Variants in PRKCQ observed in about 807,000 individuals in gnomAD.
PRKCQ encodes the protein protein kinase C theta type.
In PRKCQ, 41 loss-of-function variants were observed where a neutral mutation model predicts 91.2. The ratio of observed to expected loss-of-function variants is 0.45; its 90% confidence interval spans 0.35 to 0.58. The LOEUF (loss-of-function observed/expected upper bound fraction) is 0.58. Among genes scored for constraint, PRKCQ ranks in the 20% least tolerant of loss-of-function variants. The pLI is 0.00. For missense variants in PRKCQ, 673 were observed against 896.5 expected (o/e 0.75, Z 3.18); for synonymous variants, 307 against 316.9 (o/e 0.97, Z 0.33).
At chr10:6,486,275 G>C in intron 8 of PRKCQ, 131 bp from the exon 9 acceptor site, 1 of 731,644 alleles carries the variant, frequency 1.4e-6, no homozygotes, top group Middle Eastern at 2.9e-4. Flanking sequence ...GGAGGAAGTT[G>C]ACCCTGGCTC....
chr10:6,394,999 G>A, the PRKCQ span, among the ~76,000 whole-genome samples: 1 of 151,016 alleles, frequency 6.6e-6, no homozygotes, highest in South Asian at 2.1e-4. Context: ...CAAGACGGGG[G>A]AATTGCAATA....
chr10:6,464,415 A>G lies in PRKCQ; in HGVS notation c.1354-11T>C. 3 of 1,575,948 alleles carry G rather than the reference A, an allele frequency of 1.9e-6. No homozygotes were observed. The highest frequency in any genetic ancestry group is 2.6e-6 in the Non-Finnish European group (3 of 1,156,048). On this transcript the variant is annotated splice_polypyrimidine_tract_variant and intron_variant, in intron 12 of 17. Coordinates refer to ENST00000263125, the MANE Select transcript of PRKCQ (RefSeq NM_006257.5). ...AAAAAAGAGGTTTTCCTGTGGAAAA[A>G]CAAAACAATTCCAACTTTTATTTCA...
At chr10:6,572,885 T>C (rs919001210) in intron 1 of PRKCQ, among the ~76,000 whole-genome samples, 1 of 152,192 alleles carries the variant, frequency 6.6e-6, no homozygotes, top group African/African-American at 2.4e-5. Flanking sequence ...CTCTGCAACT[T>C]TGCCAGCACC....
At chr10:6,508,011 A>G (rs1248914227) in intron 3 of PRKCQ, among the ~76,000 whole-genome samples, 1 of 152,182 alleles carries the variant, frequency 6.6e-6, no homozygotes, top group Non-Finnish European at 1.5e-5. Flanking sequence ...CTCTTTCACA[A>G]AGAGAGATTG....
At chr10:6,412,958 T>TC in the PRKCQ span, among the ~76,000 whole-genome samples, 2,875 of 151,760 alleles carry the variant, frequency 0.019, 43 homozygotes, top group Non-Finnish European at 0.025. Flanking sequence ...TATTTTTTAT[T>TC]TTTATTTTTT....
chr10:6,485,117 C>T (rs762212758), intron 10 of PRKCQ, 35 bp downstream of exon 10: 1 of 1,556,188 alleles, frequency 6.4e-7, no homozygotes, highest in Non-Finnish European at 8.9e-7. Context: ...AGATTAATGA[C>T]TGACAGTGAT....
At chr10:6,531,280 C>A (rs2130899865) in intron 1 of PRKCQ, among the ~76,000 whole-genome samples, 1 of 152,208 alleles carries the variant, frequency 6.6e-6, no homozygotes, top group African/African-American at 2.4e-5. Context: ...TTTCTATTTG[C>A]TCAGAATCCA....
At chr10:6,551,723 A>G (rs1439620129) in intron 1 of PRKCQ, among the ~76,000 whole-genome samples, 5 of 152,116 alleles carry the variant, frequency 3.3e-5, no homozygotes, top group African/African-American at 9.7e-5. Context: ...TCTACCACTG[A>G]TGGACATTTA....
chr10:6,519,314 A>C (rs1414797381), intron 1 of PRKCQ, among the ~76,000 whole-genome samples: 1 of 151,994 alleles, frequency 6.6e-6, no homozygotes, highest in African/African-American at 2.4e-5. Context: ...TCTCATCTTC[A>C]CTCTCCATTC....
At chr10:6,475,223 C>T (rs577242314) in intron 12 of PRKCQ, among the ~76,000 whole-genome samples, 12 of 152,310 alleles carry the variant, frequency 7.9e-5, no homozygotes, top group East Asian at 1.9e-4. Context: ...TGTCCCCAGA[C>T]GGTGCCGTCC....
intron 1 of PRKCQ, among the ~76,000 whole-genome samples, chr10:6,547,251 G>A (rs913117629): frequency 2.0e-4 from 30 of 152,204 alleles, no homozygotes; most frequent in Middle Eastern, 3.4e-3. Context: ...ACAAATGGAC[G>A]AACATTCCAT....
chr10:6,416,510 A>G, the PRKCQ span, among the ~76,000 whole-genome samples: 8 of 152,146 alleles, frequency 5.3e-5, no homozygotes, highest in Non-Finnish European at 1.0e-4. Flanking sequence ...AATTGTCTCT[A>G]GCTCCATCCA....
the PRKCQ span, among the ~76,000 whole-genome samples, chr10:6,406,557 T>C: frequency 6.6e-6 from 1 of 152,218 alleles, no homozygotes; most frequent in Non-Finnish European, 1.5e-5. Flanking sequence ...TCAATAAAGT[T>C]TTTTTGAAAA....
intron 15 of PRKCQ, among the ~76,000 whole-genome samples, chr10:6,451,942 T>C (rs1834712231): frequency 6.6e-6 from 1 of 152,144 alleles, no homozygotes; most frequent in Non-Finnish European, 1.5e-5. Flanking sequence ...TCATAAGAGC[T>C]ATCTATGACA....
chr10:6,544,151 A>C (rs1296465017), intron 1 of PRKCQ, among the ~76,000 whole-genome samples: 1 of 152,220 alleles, frequency 6.6e-6, no homozygotes, highest in Non-Finnish European at 1.5e-5. Context: ...TCAAAGGGTT[A>C]TGTAGAATAT....
intron 1 of PRKCQ, among the ~76,000 whole-genome samples, chr10:6,555,576 T>C (rs1408480546): frequency 6.6e-6 from 1 of 152,194 alleles, no homozygotes; most frequent in Non-Finnish European, 1.5e-5. Context: ...AAATATTTAA[T>C]TCAAAGTAGG....
intron 4 of PRKCQ, among the ~76,000 whole-genome samples, chr10:6,505,506 T>A (rs1204564333): frequency 8.5e-6 from 1 of 117,316 alleles, no homozygotes; most frequent in Non-Finnish European, 1.9e-5. Context: ...TCCCTCCTCC[T>A]TCCTTCCTTC....
intron 1 of PRKCQ, among the ~76,000 whole-genome samples, chr10:6,565,437 G>T (rs1381500184): frequency 6.6e-6 from 1 of 152,198 alleles, no homozygotes; most frequent in Non-Finnish European, 1.5e-5. Context: ...ATGATGCTAT[G>T]TGTTAACATT....
chr10:6,439,974 T>C (rs530509024), intron 16 of PRKCQ, among the ~76,000 whole-genome samples: 2 of 152,154 alleles, frequency 1.3e-5, no homozygotes, highest in Admixed American at 1.3e-4. Flanking sequence ...ATAATCCCCA[T>C]GTGTCACGGG....
Sources: allele counts gnomAD v4.1 joint callset (sites outside exome capture counted in the v4.1 genomes callset), GRCh38; gene constraint gnomAD v4.1.1; transcripts MANE v1.5; gene names NCBI Gene and HGNC (gene_info 2026-07-23, HGNC 2026-07-21).